Variants in SRGAP2B observed in about 807,000 individuals in gnomAD.
SRGAP2B encodes the protein SLIT-ROBO Rho GTPase-activating protein 2B.
SRGAP2B carries 9 observed loss-of-function variants against 22.2 expected under a neutral mutation model. The ratio of observed to expected loss-of-function variants is 0.41; its 90% CI spans 0.24 to 0.71. The LOEUF (loss-of-function observed/expected upper bound fraction) is 0.71, where lower values mean the gene tolerates loss of function less well. SRGAP2B is among the 30% of genes least tolerant of loss of function. The pLI is 0.35. For synonymous variants in SRGAP2B, 36 were observed against 87.4 expected, an observed-to-expected ratio of 0.41 and a Z score of 3.28; for missense variants, 114 against 235.8, an observed-to-expected ratio of 0.48 and a Z score of 3.38.
At chr1:145,083,176 A>AGG (rs1221373413) in intron 2 of SRGAP2B, among the ~76,000 whole-genome samples, 1 of 145,040 alleles carries the variant, frequency 6.9e-6, no homozygotes, top group Non-Finnish European at 1.5e-5. Context: ...ACAGGGGAGC[A>AGG]GGGAAGGCTT....
intron 7 of SRGAP2B, among the ~76,000 whole-genome samples, chr1:144,904,749 T>C (rs1662858805): frequency 1.2e-5 from 1 of 84,796 alleles, no homozygotes; most frequent in South Asian, 4.3e-4. Context: ...TCCTGGCAGA[T>C]AGACGAGTGT....
exon 10 of SRGAP2B, chr1:144,891,571 TAAAAAAAAAAAAAA>T (rs1179922119): frequency 2.4e-5 from 1 of 41,796 alleles, no homozygotes; most frequent in Non-Finnish European, 4.6e-5. Flanking sequence ...TAACAATACT[TAAAAAAAAAAAAAA>T]AAAAAAAAAA....
chr1:145,062,458 G>A lies in SRGAP2B; in HGVS notation c.67+30377C>T, dbSNP rs1983663. ...GCTATCTCTGGAAAAAGAAAATGTC[G>A]CAGGTGTTGAGAAAAGGTACAAGTA... is the stretch of plus-strand genomic sequence containing the variant. On this transcript the variant is annotated intron_variant, in intron 2 of 9. Coordinates refer to ENST00000612199, the Ensembl canonical transcript of SRGAP2B. Among the ~76,000 whole-genome samples the A allele has an allele frequency of 5.3e-3, 653 of 122,394 alleles. 1 individual carries two copies. Among genetic ancestry groups the A allele is most frequent in the African/African-American group, 0.01 (319 of 30,934 alleles). 80.3% of individuals were successfully genotyped at this position (122,394 alleles called of 152,430 possible). A position where few individuals can be genotyped will look rare whatever the true frequency, so the allele number is the denominator to read the frequency against.
intron 3 of SRGAP2B, among the ~76,000 whole-genome samples, chr1:144,979,907 G>T (rs1553614822): frequency 6.6e-6 from 1 of 151,170 alleles, no homozygotes; most frequent in Non-Finnish European, 1.5e-5. Flanking sequence ...CCAGCCTCAG[G>T]TATTTATTTA....
intron 4 of SRGAP2B, among the ~76,000 whole-genome samples, chr1:144,924,604 C>A (rs1275834064): frequency 3.3e-5 from 5 of 150,884 alleles, no homozygotes; most frequent in Non-Finnish European, 7.4e-5. Context: ...TAGTGGCGGG[C>A]GCCTGTAGTC....
chr1:144,940,687 C>T (rs1438439425), intron 4 of SRGAP2B, among the ~76,000 whole-genome samples: 8 of 147,736 alleles, frequency 5.4e-5, no homozygotes, highest in Non-Finnish European at 1.0e-4. Context: ...CCTGTAATCC[C>T]GGCTACTCGG....
At chr1:145,068,281 C>T (rs1304493744) in intron 2 of SRGAP2B, among the ~76,000 whole-genome samples, 1 of 147,656 alleles carries the variant, frequency 6.8e-6, no homozygotes, top group Non-Finnish European at 1.5e-5. Flanking sequence ...ATAACTCTAT[C>T]TCTAGCACCA....
At chr1:144,923,201 T>A (rs1553347724) in intron 4 of SRGAP2B, among the ~76,000 whole-genome samples, 6 of 150,690 alleles carry the variant, frequency 4.0e-5, no homozygotes, top group Non-Finnish European at 7.4e-5. Flanking sequence ...CCTATCCTAA[T>A]ACTAAGAAAA....
rs1461246846 is a variant in SRGAP2B, at chr1:144,966,670, T to A, written c.261-11069A>T. Among the ~76,000 whole-genome samples, 2 of 146,730 alleles carry A rather than the reference T, an allele frequency of 1.4e-5. 1 individual carries two copies. The highest frequency in any genetic ancestry group is 5.5e-5 in the African/African-American group (2 of 36,378). On this transcript the variant is annotated intron_variant, in intron 3 of 9. Coordinates refer to ENST00000612199, the Ensembl canonical transcript of SRGAP2B. Reference sequence around the variant, plus strand: ...TAACCTTAAATGTAAATGGGCTAAATGCTCCAATTAAAAGACACAGACTGG... The same window carrying A: ...TAACCTTAAATGTAAATGGGCTAAAAGCTCCAATTAAAAGACACAGACTGG...
At chr1:144,963,246 C>T (rs1411932223) in intron 3 of SRGAP2B, among the ~76,000 whole-genome samples, 2 of 148,438 alleles carry the variant, frequency 1.3e-5, no homozygotes, top group Non-Finnish European at 3.0e-5. Context: ...ATCCATAGAA[C>T]TAAGGGCCTA....
intron 2 of SRGAP2B, among the ~76,000 whole-genome samples, chr1:145,056,952 AACACACAC>A (rs199492508): frequency 0.049 from 6,080 of 122,868 alleles, 279 homozygotes; most frequent in African/African-American, 0.16. Context: ...AAGGAGATAA[AACACACAC>A]ACACACACAC....
chr1:144,947,431 C>T (rs1553608657), intron 4 of SRGAP2B, among the ~76,000 whole-genome samples: 2 of 143,674 alleles, frequency 1.4e-5, no homozygotes, highest in Non-Finnish European at 3.0e-5. Context: ...TTTTTAACTA[C>T]CAGATTCATT....
chr1:144,925,753 AAG>A (rs1664660372), intron 4 of SRGAP2B, among the ~76,000 whole-genome samples: 1 of 142,230 alleles, frequency 7.0e-6, no homozygotes, highest in Non-Finnish European at 1.5e-5. Flanking sequence ...GAAAGAAAGA[AAG>A]AAAGAAAGAA....
chr1:144,915,314 T>C (rs1663784026), intron 4 of SRGAP2B, among the ~76,000 whole-genome samples: 1 of 150,794 alleles, frequency 6.6e-6, no homozygotes, highest in African/African-American at 2.5e-5. Context: ...TAGCTGTTAC[T>C]AGATGCTGAA....
intron 4 of SRGAP2B, among the ~76,000 whole-genome samples, chr1:144,931,666 G>A (rs1553605684): frequency 6.7e-6 from 1 of 150,372 alleles, no homozygotes; most frequent in Admixed American, 6.6e-5. Context: ...TGCTACATTG[G>A]GATTGTTGGC....
chr1:145,016,911 C>T (rs1162220610), intron 2 of SRGAP2B, among the ~76,000 whole-genome samples: 2 of 143,056 alleles, frequency 1.4e-5, no homozygotes, highest in East Asian at 2.0e-4. Flanking sequence ...TGCAGTGGTG[C>T]GATCTCTGCT....
chr1:144,893,955 A>G (rs1662245333), intron 8 of SRGAP2B, among the ~76,000 whole-genome samples: 1 of 140,562 alleles, frequency 7.1e-6, no homozygotes, highest in African/African-American at 2.9e-5. Flanking sequence ...GGCAGCCAGC[A>G]TGTGTTTACA....
chr1:145,042,356 AC>A (rs1553627769), intron 2 of SRGAP2B, among the ~76,000 whole-genome samples: 1 of 143,010 alleles, frequency 7.0e-6, no homozygotes, highest in Non-Finnish European at 1.5e-5. Flanking sequence ...GTACAAAATA[AC>A]CTAAGAGGTT....
intron 4 of SRGAP2B, among the ~76,000 whole-genome samples, chr1:144,925,727 A>AAAAGAAAAG (rs1664641339): frequency 9.6e-6 from 1 of 104,156 alleles, no homozygotes; most frequent in Non-Finnish European, 1.9e-5. Flanking sequence ...AGAGAGAAAG[A>AAAAGAAAAG]AAAGAAAGAA....
Sources: allele counts gnomAD v4.1 joint callset (sites outside exome capture counted in the v4.1 genomes callset), GRCh38; gene constraint gnomAD v4.1.1; transcripts MANE v1.5; gene names NCBI Gene and HGNC (gene_info 2026-07-23, HGNC 2026-07-21).